The following EIF3G variants were observed in gnomAD, a reference collection of about 807,000 sequenced individuals.
EIF3G encodes the protein eukaryotic translation initiation factor 3 subunit G, also known as eukaryotic translation initiation factor 3 RNA-binding subunit.
A neutral mutation model predicts 41.7 loss-of-function variants in EIF3G; 10 were observed. That is an observed-to-expected ratio of 0.24 (90% CI 0.15 to 0.41). The LOEUF (loss-of-function observed/expected upper bound fraction) is 0.41. EIF3G is among the 10% of genes least tolerant of loss of function. EIF3G has a pLI of 1.00. For synonymous variants in EIF3G, 204 were observed against 172.5 expected, an observed-to-expected ratio of 1.18 and a Z score of -1.43; for missense variants, 297 against 444.0, an observed-to-expected ratio of 0.67 and a Z score of 2.98.
At chr19:10,118,509 G>T in intron 5 of EIF3G, 159 bp downstream of exon 5, 1 of 746,438 alleles carries the variant, frequency 1.3e-6, no homozygotes, top group Non-Finnish European at 2.2e-6. Flanking sequence ...AGGTTGCAGT[G>T]AGTCGAGATC....
Position 10,119,845 on chromosome 19 carries a change from G to C in EIF3G, c.15C>G (p.Asp5Glu). 6.2e-7 allele frequency: 1 copy of C among 1,614,180 alleles called. No individual in the cohort carries two copies. The highest frequency in any genetic ancestry group is 8.5e-7 in the Non-Finnish European group (1 of 1,180,040). Reference sequence around the variant, plus strand: ...TTCCGCGATCGCCGACTCACTCAAAGTCTCCAGTAGGCATCGCAAAAAGTA... The same window carrying C: ...TTCCGCGATCGCCGACTCACTCAAACTCTCCAGTAGGCATCGCAAAAAGTA... MPTGDFDSKPSWADQ... is the reference protein window; with the variant it reads MPTGEFDSKPSWADQ... The change falls in exon 1 of 11, where the codon GAC (aspartate) becomes GAG (glutamate). Residue 5 changes from aspartate (D) to glutamate (E), a missense_variant. By Grantham distance (45) the Asp-to-Glu change is conservative. Transcript: ENST00000253108.
At chr19:10,118,823 C>T in intron 4 of EIF3G, 45 bp downstream of exon 4, 1 of 1,589,824 alleles carries the variant, frequency 6.3e-7, no homozygotes, top group Non-Finnish European at 8.6e-7. Context: ...GGTCTATGGG[C>T]CCCCAAGCAC....
At chr19:10,117,244 A>T (rs2089267213) in intron 5 of EIF3G, 56 bp from the exon 6 acceptor site, 7 of 1,389,742 alleles carry the variant, frequency 5.0e-6, no homozygotes, top group South Asian at 3.9e-5. Flanking sequence ...TGGGTTCCAC[A>T]GTGGGGTGCC....
chr19:10,119,182 CA>C lies in EIF3G; in HGVS notation c.68-12del, dbSNP rs1326810191. On this transcript the variant is annotated splice_polypyrimidine_tract_variant and intron_variant, in intron 2 of 10. Coordinates refer to ENST00000253108, the MANE Select transcript of EIF3G (RefSeq NM_003755.5). ...TGGTGACACATTTGTCTGCAAAAGG[CA>C]GCGTAGGAAGGAGGAGTCAGCTCCA... 5 of 1,567,914 alleles carry C rather than the reference CA, an allele frequency of 3.2e-6. No homozygotes were observed. Among genetic ancestry groups the C allele is most frequent in the Non-Finnish European group, 4.3e-6 (5 of 1,155,334 alleles).
chr19:10,115,907 G>T, intron 8 of EIF3G, 60 bp downstream of exon 8: 1 of 1,605,478 alleles, frequency 6.2e-7, no homozygotes, highest in African/African-American at 1.3e-5. Flanking sequence ...ACGCTTCGGG[G>T]ATAATTACGA....
rs756701016 is a variant in EIF3G, at chr19:10,115,089, G to A, written c.*25C>T. The stretch of plus-strand genomic sequence containing the variant: ...CTGTCTTCTGTCGCCAAGGGTCCCG[G>A]ACCGAGTACACAGTGGCAGCTGGCT... On this transcript the variant is annotated 3_prime_UTR_variant, in exon 11 of 11. Coordinates refer to ENST00000253108, the MANE Select transcript of EIF3G (RefSeq NM_003755.5). 2 of 1,613,958 alleles carry A rather than the reference G, an allele frequency of 1.2e-6. No individual in the cohort carries two copies. The highest frequency in any genetic ancestry group is 2.2e-5 in the South Asian group (2 of 90,976).
rs2089216777 is a variant in EIF3G, at chr19:10,115,100, CAGT to C, written c.*11_*13del. On this transcript the variant is annotated 3_prime_UTR_variant, in exon 11 of 11. Coordinates refer to ENST00000253108, the MANE Select transcript of EIF3G (RefSeq NM_003755.5). ...CGCCAAGGGTCCCGGACCGAGTACA[CAGT>C]GGCAGCTGGCTTAGTTGGTGGACGG... is the stretch of plus-strand genomic sequence containing the variant. 6.2e-7 allele frequency: 1 copy of C among 1,613,968 alleles called. No homozygotes were observed. Among genetic ancestry groups the C allele is most frequent in the Non-Finnish European group, 8.5e-7 (1 of 1,179,992 alleles).
In EIF3G at chr19:10,119,714, T is replaced by A. The variant is rs1158634853; in HGVS notation, c.21-14A>T. 1 of 1,610,202 alleles carries A rather than the reference T, an allele frequency of 6.2e-7. No homozygotes were observed. Among genetic ancestry groups the A allele is most frequent in the Non-Finnish European group, 8.5e-7 (1 of 1,177,140 alleles). ...CTGGGCTTCGAACTGCGGAAACAAATGTGTGGGGAACGAAGATTAAGTCAG... is the reference window on the plus strand; with the variant it reads ...CTGGGCTTCGAACTGCGGAAACAAAAGTGTGGGGAACGAAGATTAAGTCAG... On this transcript the variant is annotated splice_polypyrimidine_tract_variant and intron_variant, in intron 1 of 10. Coordinates refer to ENST00000253108, the MANE Select transcript of EIF3G (RefSeq NM_003755.5).
Position 10,115,837 on chromosome 19 carries a change from A to C in EIF3G, c.704-17T>G, listed in dbSNP as rs199504887. 1.7e-3 allele frequency: 2,662 copies of C among 1,609,682 alleles called. 2 individuals are homozygous for C. The highest frequency in any genetic ancestry group is 4.4e-3 in the Admixed American group (262 of 59,986). ...TGTCGTCGGCTGTGTGGGAGAGGGGAGGTGGCTGTGAGGGGGAGGACACTG... is the reference window on the plus strand; with the variant it reads ...TGTCGTCGGCTGTGTGGGAGAGGGGCGGTGGCTGTGAGGGGGAGGACACTG... On this transcript the variant is annotated splice_polypyrimidine_tract_variant and intron_variant, in intron 8 of 10. Coordinates refer to ENST00000253108, the MANE Select transcript of EIF3G (RefSeq NM_003755.5).
chr19:10,115,860 C>T (rs1201542837), intron 8 of EIF3G, 40 bp from the exon 9 acceptor site: 2 of 1,582,834 alleles, frequency 1.3e-6, no homozygotes, highest in South Asian at 2.2e-5. Flanking sequence ...GGGGAGGACA[C>T]TGCCCAGCCC....
In EIF3G at chr19:10,119,190, G is replaced by A; in HGVS notation, c.68-19C>T. ...CATTTGTCTGCAAAAGGCAGCGTAG[G>A]AAGGAGGAGTCAGCTCCAGGGGCAG... On this transcript the variant is annotated intron_variant, in intron 2 of 10. Transcript: ENST00000253108. 6.4e-7 allele frequency: 1 copy of A among 1,562,622 alleles called. No individual in the cohort carries two copies.
At chr19:10,119,573 C>T in intron 2 of EIF3G, 81 bp downstream of exon 2, 2 of 1,500,454 alleles carry the variant, frequency 1.3e-6, no homozygotes, top group Non-Finnish European at 1.8e-6. Context: ...GTACACGGTG[C>T]CAGACTGGGA....
At chr19:10,115,344 A>C in intron 10 of EIF3G, 135 bp downstream of exon 10, 53 of 1,203,898 alleles carry the variant, frequency 4.4e-5, no homozygotes, top group Non-Finnish European at 6.1e-5. Flanking sequence ...TTTGGAAAAA[A>C]ACAATAAAGG....
chr19:10,115,400 G>C, intron 10 of EIF3G, 79 bp downstream of exon 10: 1 of 1,462,968 alleles, frequency 6.8e-7, no homozygotes, highest in Non-Finnish European at 9.4e-7. Context: ...TTGGCTCAGG[G>C]CTATTGGTTG....
chr19:10,115,891 G>C (rs1043391593), intron 8 of EIF3G, 71 bp from the exon 9 acceptor site: 16 of 1,600,708 alleles, frequency 1.0e-5, no homozygotes, highest in Non-Finnish European at 1.4e-5. Context: ...CCCAGCCCTC[G>C]TGTGCACGCT....
rs200530965 is a variant in EIF3G at position 10,115,148 on chromosome 19, G to A, written c.948-19C>T. ...GGACGGCCTGGGGTAGGGGAGGGTG[G>A]CAGGTATAAGACTTCTGGGGGCACC... On this transcript the variant is annotated intron_variant, in intron 10 of 10. Transcript: ENST00000253108. 2.7e-3 allele frequency: 4,333 copies of A among 1,613,632 alleles called. 18 individuals are homozygous for A. Among genetic ancestry groups the A allele is most frequent in the Non-Finnish European group, 3.1e-3 (3,672 of 1,179,914 alleles).
chr19:10,119,237 AG>A (rs1490679196), intron 2 of EIF3G, 66 bp from the exon 3 acceptor site: 1 of 1,517,082 alleles, frequency 6.6e-7, no homozygotes, highest in East Asian at 2.5e-5. Context: ...CTGCGATGGA[AG>A]GGCTTTTGGG....
In EIF3G at chr19:10,116,115, G is replaced by C. The variant is rs148804879; in HGVS notation, c.596-41C>G. The C allele has an allele frequency of 6.3e-7, 1 of 1,584,424 alleles. No individual in the cohort carries two copies. On this transcript the variant is annotated intron_variant, in intron 7 of 10. Coordinates refer to ENST00000253108, the MANE Select transcript of EIF3G (RefSeq NM_003755.5). The surrounding 1 kb of genome is among the most constrained non-coding windows in gnomAD (Gnocchi z 4.1). ...CAGTCAAGTTCAACCTCACTGTGGC[G>C]CAGGCGTGGGGACAGAGCCGCCCCA...
rs2089232247 is a variant in EIF3G, at chr19:10,115,671, C to T, written c.840+13G>A. ...CCCTCACACAGCCCCACCGTGCCTG[C>T]CTGCCTGCCCACCTTGGATTGGCCA... On this transcript the variant is annotated intron_variant, in intron 9 of 10. Coordinates refer to ENST00000253108, the MANE Select transcript of EIF3G (RefSeq NM_003755.5). 6.2e-7 allele frequency: 1 copy of T among 1,613,038 alleles called. No individual in the cohort carries two copies. Among genetic ancestry groups the T allele is most frequent in the Non-Finnish European group, 8.5e-7 (1 of 1,179,028 alleles).
Sources: allele counts gnomAD v4.1 joint callset, GRCh38; gene constraint gnomAD v4.1.1; non-coding constraint Gnocchi (gnomAD v3.1); transcripts MANE v1.5; gene names NCBI Gene and HGNC (gene_info 2026-07-23, HGNC 2026-07-21).